The following MYT1L variants were observed in gnomAD, a reference collection of about 807,000 sequenced individuals.
MYT1L encodes the protein myelin transcription factor 1-like protein.
A neutral mutation model predicts 126.7 loss-of-function variants in MYT1L; 12 were observed. That is an observed-to-expected ratio of 0.09 (90% CI 0.06 to 0.15). The LOEUF is 0.15. MYT1L is among the 10% of genes least tolerant of loss of function. The probability of loss-of-function intolerance (pLI) is 1.00; values close to 1 mark genes in which losing one functional copy is unlikely to be tolerated. For synonymous variants in MYT1L, 541 were observed against 604.2 expected, an observed-to-expected ratio of 0.90 and a Z score of 1.53; for missense variants, 979 against 1,585.2, an observed-to-expected ratio of 0.62 and a Z score of 6.49.
At chr2:1,927,929 ACC>A (rs1573647062) in intron 9 of MYT1L, among the ~76,000 whole-genome samples, 1 of 49,194 alleles carries the variant, frequency 2.0e-5, no homozygotes, top group African/African-American at 2.6e-4. Flanking sequence ...AGGAAAAAAA[ACC>A]AAACCACATA....
At chr2:2,257,449 G>A (rs568092215) in intron 2 of MYT1L, among the ~76,000 whole-genome samples, 35 of 152,268 alleles carry the variant, frequency 2.3e-4, no homozygotes, top group Middle Eastern at 3.4e-3. Flanking sequence ...AGGCTGAAGC[G>A]GTTGGATCAC....
At chr2:1,972,611 C>T (rs1448832615) in intron 8 of MYT1L, among the ~76,000 whole-genome samples, 2 of 152,224 alleles carry the variant, frequency 1.3e-5, no homozygotes, top group Non-Finnish European at 2.9e-5. Flanking sequence ...ATGAATAATA[C>T]AGCCCCTAGG....
At chr2:2,303,326 C>A (rs2095813173) in intron 1 of MYT1L, among the ~76,000 whole-genome samples, 1 of 152,180 alleles carries the variant, frequency 6.6e-6, no homozygotes. Flanking sequence ...GCGGGGGCAC[C>A]TTTACTTCTT....
At chr2:1,902,469 G>A (rs1456112519) in intron 14 of MYT1L, among the ~76,000 whole-genome samples, 2 of 152,236 alleles carry the variant, frequency 1.3e-5, no homozygotes, top group African/African-American at 4.8e-5. Context: ...GAGGCGACAA[G>A]GAGGCCACCA....
chr2:1,966,998 T>A (rs937185151), intron 8 of MYT1L, among the ~76,000 whole-genome samples: 14 of 152,164 alleles, frequency 9.2e-5, no homozygotes, highest in Non-Finnish European at 1.6e-4. Context: ...CACCAGTAAC[T>A]TTTTTTCTTT....
chr2:1,855,515 G>C (rs1314542633), intron 18 of MYT1L, among the ~76,000 whole-genome samples: 2 of 152,246 alleles, frequency 1.3e-5, no homozygotes, highest in Non-Finnish European at 2.9e-5. Flanking sequence ...CACTCAGGCT[G>C]CTGGGGAGCA....
intron 21 of MYT1L, among the ~76,000 whole-genome samples, chr2:1,812,682 C>A (rs1313971122): frequency 6.6e-6 from 1 of 152,070 alleles, no homozygotes; most frequent in Non-Finnish European, 1.5e-5. Flanking sequence ...TCCAGACCAG[C>A]CTGGCCAACA....
intron 2 of MYT1L, among the ~76,000 whole-genome samples, chr2:2,283,515 G>A (rs995696433): frequency 3.3e-5 from 5 of 152,154 alleles, no homozygotes; most frequent in African/African-American, 1.2e-4. Flanking sequence ...AGCAAATAGA[G>A]GACATTGGGT....
At chr2:2,044,899 G>A (rs962175477) in intron 4 of MYT1L, among the ~76,000 whole-genome samples, 3 of 152,152 alleles carry the variant, frequency 2.0e-5, no homozygotes, top group Admixed American at 2.0e-4. Flanking sequence ...ATTCACAGCA[G>A]GTACAACTGA....
intron 4 of MYT1L, among the ~76,000 whole-genome samples, chr2:2,038,421 C>T (rs547674154): frequency 6.6e-6 from 1 of 152,196 alleles, no homozygotes; most frequent in South Asian, 2.1e-4. Context: ...GCTTGGATTC[C>T]CCTGACTTCT....
At chr2:1,909,227 A>G (rs770241493) in intron 13 of MYT1L, among the ~76,000 whole-genome samples, 3 of 152,200 alleles carry the variant, frequency 2.0e-5, no homozygotes, top group Non-Finnish European at 2.9e-5. Context: ...GCTCAAATCA[A>G]TCCTCCCACC....
At chr2:2,018,957 G>C (rs1413812029) in intron 4 of MYT1L, among the ~76,000 whole-genome samples, 1 of 152,152 alleles carries the variant, frequency 6.6e-6, no homozygotes, top group East Asian at 1.9e-4. Flanking sequence ...TTGACAGATG[G>C]AGAGGATGGT....
chr2:2,297,030 T>C (rs2095705279), intron 1 of MYT1L, among the ~76,000 whole-genome samples: 1 of 152,112 alleles, frequency 6.6e-6, no homozygotes, highest in South Asian at 2.1e-4. Flanking sequence ...TGGAACCACC[T>C]GCCTTCCCAG....
chr2:2,107,222 A>G (rs1156399416), intron 3 of MYT1L, among the ~76,000 whole-genome samples: 1 of 152,228 alleles, frequency 6.6e-6, no homozygotes, highest in African/African-American at 2.4e-5. Flanking sequence ...GACCATCACC[A>G]TGAAGCCCTG....
At chr2:1,915,924 C>T (rs4557005) in intron 11 of MYT1L, among the ~76,000 whole-genome samples, 3 of 151,984 alleles carry the variant, frequency 2.0e-5, no homozygotes, top group Admixed American at 6.6e-5. Context: ...GTGTCGATTG[C>T]GGGTTCAGTG....
intron 3 of MYT1L, among the ~76,000 whole-genome samples, chr2:2,152,257 C>T (rs916988807): frequency 5.3e-5 from 8 of 152,232 alleles, no homozygotes; most frequent in Non-Finnish European, 1.2e-4. Context: ...GGCGTGCACA[C>T]GCTGGGCAAG....
chr2:2,049,297 C>G (rs1284996949), intron 4 of MYT1L, among the ~76,000 whole-genome samples: 1 of 152,144 alleles, frequency 6.6e-6, no homozygotes, highest in Non-Finnish European at 1.5e-5. Flanking sequence ...TGTATATACA[C>G]ATAGTACATT....
chr2:1,960,933 T>C (rs1209821577), intron 8 of MYT1L, among the ~76,000 whole-genome samples: 1 of 152,382 alleles, frequency 6.6e-6, no homozygotes, highest in African/African-American at 2.4e-5. Flanking sequence ...TGTGTGCATC[T>C]GTGACTGTCC....
At chr2:2,285,198 G>T (rs1010211370) in intron 1 of MYT1L, among the ~76,000 whole-genome samples, 4 of 152,230 alleles carry the variant, frequency 2.6e-5, no homozygotes, top group African/African-American at 9.6e-5. Context: ...AGTGATTGCA[G>T]TTGCAAGAGA....
Sources: gnomAD v4.1 joint callset for allele counts (sites outside exome capture counted in the v4.1 genomes callset) on GRCh38, gnomAD v4.1.1 for gene constraint, MANE v1.5 for transcripts, NCBI Gene and HGNC (gene_info 2026-07-23, HGNC 2026-07-21) for gene names.